Variants in GREB1 observed in about 807,000 individuals in gnomAD.
GREB1 encodes the protein protein GREB1.
In GREB1, 106 loss-of-function variants were observed where a neutral mutation model predicts 200.7. The ratio of observed to expected loss-of-function variants is 0.53; its 90% CI spans 0.45 to 0.62. GREB1 has a LOEUF of 0.62. Ranked by LOEUF, GREB1 falls within the 20% of genes least tolerant of loss-of-function variation. GREB1 has a pLI of 0.00. For missense variants in GREB1, 2,243 were observed against 2,556.8 expected, an observed-to-expected ratio of 0.88 and a Z score of 2.65; for synonymous variants, 1,132 against 1,092.4, an observed-to-expected ratio of 1.04 and a Z score of -0.72.
rs758374338 is a variant in GREB1 at position 11,630,095 on chromosome 2, C to G, written c.4597C>G (p.Leu1533Val). The change falls in exon 26 of 33, where the codon CTC becomes GTC. Residue 1533 changes from leucine to valine, a missense_variant. Physicochemically the swap from Leu to Val is conservative, Grantham distance 32 (BLOSUM62 1). Around this residue, in one of 3 missense-constraint regions of GREB1, gnomAD observed 478 missense variants for 616.3 expected, o/e 0.78. Transcript: ENST00000381486. The stretch of plus-strand genomic sequence containing the variant: ...CCAGCTGGAGAGCATGCGACTACCC[C>G]TCGTGACAGACAAGGTACTGGCTCA... ...GGQLESMRLPLVTDKSHEYIK... is the reference protein window; with the variant it reads ...GGQLESMRLPVVTDKSHEYIK... 2 of 1,614,166 alleles carry G rather than the reference C, an allele frequency of 1.2e-6. No individual in the cohort carries two copies. Among genetic ancestry groups the G allele is most frequent in the Non-Finnish European group, 1.7e-6 (2 of 1,180,010 alleles).
intron 1 of GREB1, among the ~76,000 whole-genome samples, chr2:11,528,346 C>T (rs1673954793): frequency 6.6e-6 from 1 of 152,200 alleles, no homozygotes; most frequent in Admixed American, 6.5e-5. Flanking sequence ...TGCAAATACC[C>T]TCGTTGAAAG....
chr2:11,611,594 C>T (rs1161983498), intron 18 of GREB1, among the ~76,000 whole-genome samples: 1 of 152,190 alleles, frequency 6.6e-6, no homozygotes, highest in Non-Finnish European at 1.5e-5. Flanking sequence ...TGTGAGCTGC[C>T]CTGCTTATTT....
At position 11,611,013 on chromosome 2, in the gene GREB1, G is replaced by A. The variant is rs1289273570; in HGVS notation, c.2992G>A (p.Val998Ile). The change falls in exon 18 of 33, where the codon GTA becomes ATA. Residue 998 changes from valine to isoleucine, a missense_variant. Val to Ile is a conservative substitution (Grantham distance 29, BLOSUM62 3). Around this residue, in one of 3 missense-constraint regions of GREB1, gnomAD observed 1,178 missense variants for 1,387.4 expected, o/e 0.85. Coordinates refer to ENST00000381486, the MANE Select transcript of GREB1 (RefSeq NM_014668.4). ...AGGCGTCACCGTGGGGAAGCACTTC[G>A]TAAAGCAGCTCAGGGTAGGTGCTGT... is the stretch of plus-strand genomic sequence containing the variant. ...SSGVTVGKHF[V>I]KQLRMWQKIE... 9 of 1,590,696 alleles carry A rather than the reference G, an allele frequency of 5.7e-6. No individual in the cohort carries two copies. The highest frequency in any genetic ancestry group is 5.4e-5 in the African/African-American group (4 of 74,470).
At chr2:11,599,458 C>T (rs1681574505) in intron 15 of GREB1, among the ~76,000 whole-genome samples, 2 of 151,402 alleles carry the variant, frequency 1.3e-5, no homozygotes, top group South Asian at 4.2e-4. Flanking sequence ...TCCCACTTCA[C>T]CCTCCTGAAT....
At chr2:11,510,457 C>T (rs1008304475) in intron 1 of GREB1, among the ~76,000 whole-genome samples, 1 of 152,154 alleles carries the variant, frequency 6.6e-6, no homozygotes, top group Admixed American at 6.5e-5. Context: ...TGATGACACC[C>T]TAATTTATAA....
intron 1 of GREB1, among the ~76,000 whole-genome samples, chr2:11,513,065 G>T (rs567918224): frequency 3.9e-5 from 6 of 152,222 alleles, no homozygotes; most frequent in Admixed American, 1.3e-4. Flanking sequence ...GAGCTGAAGC[G>T]CAAAGCTTAA....
In GREB1 at chr2:11,602,496, A is replaced by G; in HGVS notation, c.2620A>G (p.Arg874Gly). The G allele has an allele frequency of 6.2e-7, 1 of 1,613,752 alleles. No homozygotes were observed. The highest frequency in any genetic ancestry group is 8.5e-7 in the Non-Finnish European group (1 of 1,179,580). The change falls in exon 17 of 33, where the codon AGA becomes GGA. Residue 874 changes from arginine (R) to glycine (G), a missense_variant. By Grantham distance (125) the Arg-to-Gly change is moderately radical. This residue lies in a region of GREB1 where 1,178 missense variants were observed against 1,387.4 expected (regional missense o/e 0.85). Coordinates refer to ENST00000381486, the MANE Select transcript of GREB1 (RefSeq NM_014668.4). ...TLSGHSLPLLRYDSSFEAMVT... is the reference protein window; with the variant it reads ...TLSGHSLPLLGYDSSFEAMVT... ...TTCAGGACACAGCCTCCCCTTGCTCAGATACGATAGCTCCTTTGAGGCCAT... is the reference window on the plus strand; with the variant it reads ...TTCAGGACACAGCCTCCCCTTGCTCGGATACGATAGCTCCTTTGAGGCCAT...
intron 9 of GREB1, chr2:11,587,240 C>A: frequency 1.4e-6 from 1 of 726,790 alleles, no homozygotes; most frequent in South Asian, 1.6e-5. Context: ...GGCCTTAAGA[C>A]TCAGCTCTGT....
chr2:11,606,001 A>T (rs1474336344), intron 17 of GREB1, among the ~76,000 whole-genome samples: 1 of 152,110 alleles, frequency 6.6e-6, no homozygotes, highest in East Asian at 1.9e-4. Context: ...TGATAGGTGT[A>T]TGTTTAACTT....
chr2:11,559,189 T>C (rs1305835169), intron 2 of GREB1, among the ~76,000 whole-genome samples: 1 of 152,182 alleles, frequency 6.6e-6, no homozygotes, highest in African/African-American at 2.4e-5. Context: ...CCTGAGTTCC[T>C]GTGTTTTGTT....
At chr2:11,487,080 A>T (rs1335066106) in intron 1 of GREB1, among the ~76,000 whole-genome samples, 1 of 152,166 alleles carries the variant, frequency 6.6e-6, no homozygotes, top group Non-Finnish European at 1.5e-5. Flanking sequence ...TATTTCTTTG[A>T]CATTATTATT....
chr2:11,487,850 A>C (rs191425900), intron 1 of GREB1, among the ~76,000 whole-genome samples: 1 of 152,296 alleles, frequency 6.6e-6, no homozygotes, highest in East Asian at 1.9e-4. Flanking sequence ...TTACATCAGA[A>C]TCCAATGAGA....
chr2:11,496,635 T>C (rs1442107746), intron 1 of GREB1, among the ~76,000 whole-genome samples: 1 of 151,972 alleles, frequency 6.6e-6, no homozygotes, highest in African/African-American at 2.4e-5. Context: ...GTTAAAATGC[T>C]GATCTATAGT....
intron 21 of GREB1, among the ~76,000 whole-genome samples, chr2:11,617,465 A>G (rs569251762): frequency 6.6e-6 from 1 of 152,370 alleles, no homozygotes; most frequent in Admixed American, 6.5e-5. Context: ...TTCTCATAAA[A>G]GACGTGTTAT....
At position 11,492,601 on chromosome 2, in the gene GREB1, T is replaced by C. The variant is rs1194104807; in HGVS notation, c.-159+10220T>C. 1.3e-5 allele frequency among the ~76,000 whole-genome samples: 2 copies of C among 152,294 alleles called. No homozygotes were observed. Among genetic ancestry groups the C allele is most frequent in the South Asian group, 4.1e-4 (2 of 4,830 alleles). ...AGCTGAGTTCCCACTCACTGGGGCC[T>C]GTGAGTGCATGAATGGGGGTGGGGA... On this transcript the variant is annotated intron_variant, in intron 1 of 2. Coordinates refer to the GREB1 transcript ENST00000628795. This position sits in a 1 kb window ranked among gnomAD's most constrained non-coding sequence, Gnocchi z 4.0.
At chr2:11,634,770 C>T (rs769129682) in intron 29 of GREB1, among the ~76,000 whole-genome samples, 1 of 152,194 alleles carries the variant, frequency 6.6e-6, no homozygotes, top group African/African-American at 2.4e-5. Flanking sequence ...CTGCGTGAGC[C>T]TCTCAAAGAG....
intron 10 of GREB1, chr2:11,591,982 A>G (rs1680772251): frequency 1.0e-5 from 10 of 983,630 alleles, no homozygotes; most frequent in Non-Finnish European, 1.1e-5. Flanking sequence ...TACTAATTCC[A>G]GCAATACATG....
chr2:11,551,731 G>C (rs866351263), intron 1 of GREB1, among the ~76,000 whole-genome samples: 2 of 151,960 alleles, frequency 1.3e-5, no homozygotes, highest in Admixed American at 1.3e-4. Context: ...AGGATTCAGC[G>C]CTCCCACCGC....
At position 11,621,454 on chromosome 2, in the gene GREB1, G is replaced by A. The variant is rs185138763; in HGVS notation, c.4147+447G>A. On this transcript the variant is annotated intron_variant, in intron 23 of 32. Transcript: ENST00000381486. ...CCTGCTCAGGCAGCTGAGCAGGGAG[G>A]TCAGTGTCTTGGGGCAAAATAGAAA... is the stretch of plus-strand genomic sequence containing the variant. 1.2e-3 allele frequency among the ~76,000 whole-genome samples: 177 copies of A among 152,334 alleles called. 1 individual carries two copies. Among genetic ancestry groups the A allele is most frequent in the Admixed American group, 4.8e-3 (73 of 15,308 alleles).
Sources: allele counts gnomAD v4.1 joint callset (sites outside exome capture counted in the v4.1 genomes callset), GRCh38; gene constraint gnomAD v4.1.1; regional missense constraint gnomAD v4.1.1; non-coding constraint Gnocchi (gnomAD v3.1); transcripts MANE v1.5; gene names NCBI Gene and HGNC (gene_info 2026-07-23, HGNC 2026-07-21).